The following SWAP70 variants were observed in gnomAD, a reference collection of about 807,000 sequenced individuals.
SWAP70 encodes the protein switching B cell complex subunit SWAP70, also known as switch-associated protein 70.
A neutral mutation model predicts 80.2 loss-of-function variants in SWAP70; 34 were observed. The ratio of observed to expected loss-of-function variants is 0.42; its 90% CI spans 0.32 to 0.56. The LOEUF (loss-of-function observed/expected upper bound fraction) is 0.56, where lower values mean the gene tolerates loss of function less well. Among genes scored for constraint, SWAP70 ranks in the 20% least tolerant of loss-of-function variants. The pLI is 0.09. For missense variants in SWAP70, 578 were observed against 690.7 expected (o/e 0.84, Z 1.83); for synonymous variants, 239 against 238.5 (o/e 1.00, Z -0.02).
intron 10 of SWAP70, 77 bp from the exon 11 acceptor site, chr11:9,749,010 G>A: frequency 2.5e-6 from 2 of 812,850 alleles, no homozygotes; most frequent in East Asian, 2.9e-5. Flanking sequence ...CAAATACATA[G>A]TAAGGGCCCA....
chr11:9,743,481 T>C (rs1851469506), intron 9 of SWAP70, among the ~76,000 whole-genome samples: 1 of 151,430 alleles, frequency 6.6e-6, no homozygotes, highest in Admixed American at 6.6e-5. Context: ...CCACACTGAC[T>C]TCCACAAAGG....
At chr11:9,673,585 A>G (rs1850447624) in intron 1 of SWAP70, among the ~76,000 whole-genome samples, 1 of 152,222 alleles carries the variant, frequency 6.6e-6, no homozygotes, top group African/African-American at 2.4e-5. Flanking sequence ...ATCTAATATT[A>G]ATAGACTGAG....
At position 9,751,336 on chromosome 11, in the gene SWAP70, T is replaced by A. The variant is rs186691513; in HGVS notation, c.*1366T>A. On this transcript the variant is annotated 3_prime_UTR_variant, in exon 12 of 12. Coordinates refer to ENST00000318950, the MANE Select transcript of SWAP70 (RefSeq NM_015055.4). ...GATCATAGTTTATATGCATCTGATT[T>A]GAAAGGAGTATTGAGGAAGGTTTTC... 6.9e-4 allele frequency: 105 copies of A among 152,224 alleles called. No individual in the cohort carries two copies. The highest frequency in any genetic ancestry group is 1.3e-3 in the Non-Finnish European group (89 of 68,048). 9.4% of individuals were successfully genotyped at this position (152,224 alleles called of 1,614,324 possible). A position where few individuals can be genotyped will look rare whatever the true frequency, so the allele number is the denominator to read the frequency against.
At chr11:9,695,805 T>C (rs955926039) in intron 2 of SWAP70, among the ~76,000 whole-genome samples, 3 of 152,032 alleles carry the variant, frequency 2.0e-5, no homozygotes, top group African/African-American at 7.2e-5. Flanking sequence ...CTGGCAATAG[T>C]TGTTTTTTTT....
At chr11:9,672,195 C>CTATGTATA (rs530619499) in intron 1 of SWAP70, among the ~76,000 whole-genome samples, 2,857 of 78,376 alleles carry the variant, frequency 0.036, 146 homozygotes, top group Non-Finnish European at 0.048. Flanking sequence ...ATGTGTGTGT[C>CTATGTATA]TATATATATA....
At chr11:9,679,886 G>A (rs1404550125) in intron 1 of SWAP70, among the ~76,000 whole-genome samples, 1 of 152,092 alleles carries the variant, frequency 6.6e-6, no homozygotes, top group Admixed American at 6.6e-5. Context: ...AGCCAGGATG[G>A]TCTTGATCTC....
chr11:9,728,247 G>C, intron 5 of SWAP70, 48 bp downstream of exon 5: 1 of 1,502,586 alleles, frequency 6.7e-7, no homozygotes, highest in East Asian at 2.5e-5. Context: ...GCTGCCCCCT[G>C]ATGCTGAAGT....
rs1351836928 is a variant in SWAP70 at position 9,751,186 on chromosome 11, G to A, written c.*1216G>A. 6.6e-6 allele frequency: 1 copy of A among 152,246 alleles called. No homozygotes were observed. Among genetic ancestry groups the A allele is most frequent in the Non-Finnish European group, 1.5e-5 (1 of 68,042 alleles). The allele number at this position is 152,246 out of a possible 1,614,324, so 9.4% of individuals were successfully genotyped here. A position where few individuals can be genotyped will look rare whatever the true frequency, so the allele number is the denominator to read the frequency against. On this transcript the variant is annotated 3_prime_UTR_variant, in exon 12 of 12. Transcript: ENST00000318950. The stretch of plus-strand genomic sequence containing the variant: ...CAAAACATCATAAAGATGATAGCAT[G>A]TCAATATATTAGCCTAGCCATTATG...
chr11:9,664,404 G>A, intron 1 of SWAP70, 126 bp downstream of exon 1: 1 of 1,042,972 alleles, frequency 9.6e-7, no homozygotes, highest in Non-Finnish European at 1.4e-6. Flanking sequence ...CGCCCGGTAG[G>A]CCCGCTTGGG....
chr11:9,665,612 A>G (rs1590002206), intron 1 of SWAP70, among the ~76,000 whole-genome samples: 1 of 152,204 alleles, frequency 6.6e-6, no homozygotes, highest in East Asian at 1.9e-4. Context: ...CCGAAGTGCC[A>G]TGTAAATGGA....
chr11:9,671,765 TAATATAAATATAATATA>T (rs1565109906), intron 1 of SWAP70, among the ~76,000 whole-genome samples: 362 of 47,142 alleles, frequency 7.7e-3, no homozygotes, highest in South Asian at 0.018. Context: ...TATAAATATA[TAATATAAATATAATATA>T]TTATTATTTA....
intron 3 of SWAP70, among the ~76,000 whole-genome samples, chr11:9,721,104 C>G (rs2133802300): frequency 6.6e-6 from 1 of 152,352 alleles, no homozygotes; most frequent in East Asian, 1.9e-4. Flanking sequence ...GCGTGAGCCA[C>G]CACGCCTGGC....
chr11:9,668,243 G>A (rs1850333098), intron 1 of SWAP70, among the ~76,000 whole-genome samples: 1 of 152,036 alleles, frequency 6.6e-6, no homozygotes, highest in Admixed American at 6.6e-5. Flanking sequence ...TCCAATTGAC[G>A]GCATAAATGA....
intron 1 of SWAP70, among the ~76,000 whole-genome samples, chr11:9,679,963 G>A (rs1055683610): frequency 6.1e-4 from 93 of 152,148 alleles, no homozygotes; most frequent in African/African-American, 2.2e-3. Context: ...GCCACTGCAC[G>A]CGGCCTGCTT....
At chr11:9,723,211 A>G (rs1313684657) in intron 3 of SWAP70, among the ~76,000 whole-genome samples, 2 of 152,194 alleles carry the variant, frequency 1.3e-5, no homozygotes, top group Non-Finnish European at 2.9e-5. Flanking sequence ...GGCCCGACCA[A>G]AAGCAGATCA....
intron 1 of SWAP70, among the ~76,000 whole-genome samples, chr11:9,686,604 C>T (rs973976910): frequency 6.6e-6 from 1 of 152,032 alleles, no homozygotes; most frequent in Non-Finnish European, 1.5e-5. Context: ...CTCCCTTGGC[C>T]TCCCTCAGTG....
chr11:9,664,304 CA>C (rs761535289), intron 1 of SWAP70, 26 bp downstream of exon 1: 1 of 1,545,520 alleles, frequency 6.5e-7, no homozygotes, highest in Non-Finnish European at 8.7e-7. Context: ...CCCGGCCCCC[CA>C]CCCGACCCTC....
At chr11:9,718,678 T>C (rs1397274250) in intron 3 of SWAP70, among the ~76,000 whole-genome samples, 1 of 152,158 alleles carries the variant, frequency 6.6e-6, no homozygotes, top group African/African-American at 2.4e-5. Context: ...TTTAACTTGT[T>C]ATCAGTAGTT....
At chr11:9,721,467 CTTTCT>C (rs1293200483) in intron 3 of SWAP70, among the ~76,000 whole-genome samples, 1 of 136,076 alleles carries the variant, frequency 7.3e-6, no homozygotes, top group Non-Finnish European at 1.6e-5. Flanking sequence ...TTTTTTCTTT[CTTTCT>C]TTTTTTTTTT....
Sources: allele counts gnomAD v4.1 joint callset (sites outside exome capture counted in the v4.1 genomes callset), GRCh38; gene constraint gnomAD v4.1.1; transcripts MANE v1.5; gene names NCBI Gene and HGNC (gene_info 2026-07-23, HGNC 2026-07-21).